Variants in HEATR4 observed in about 807,000 individuals in gnomAD.
HEATR4 encodes the protein HEAT repeat-containing protein 4.
HEATR4 carries 95 observed loss-of-function variants against 108.8 expected under a neutral mutation model. The ratio of observed to expected loss-of-function variants is 0.87; its 90% CI spans 0.74 to 1.04. The LOEUF is 1.04. Ranked by LOEUF, HEATR4 falls within the 50% of genes least tolerant of loss-of-function variation. The probability of loss-of-function intolerance (pLI) is 0.00; values close to 1 mark genes in which losing one functional copy is unlikely to be tolerated. For missense variants in HEATR4, 1,152 were observed against 1,253.8 expected (o/e 0.92, Z 1.23); for synonymous variants, 443 against 459.4 (o/e 0.96, Z 0.46).
At chr14:73,579,851 G>A in the HEATR4 span, among the ~76,000 whole-genome samples, 1 of 151,082 alleles carries the variant, frequency 6.6e-6, no homozygotes, top group Admixed American at 6.6e-5. Flanking sequence ...CCGTCACTTC[G>A]GGAGGCCAAG....
the HEATR4 span, among the ~76,000 whole-genome samples, chr14:73,606,399 CTG>C: frequency 6.9e-6 from 1 of 145,740 alleles, no homozygotes; most frequent in South Asian, 2.2e-4. Flanking sequence ...AAAAAAAAAA[CTG>C]TGATCCTCAA....
At chr14:73,509,527 C>G in intron 7 of HEATR4, 54 bp from the exon 8 acceptor site, 2 of 1,588,848 alleles carry the variant, frequency 1.3e-6, no homozygotes, top group Non-Finnish European at 1.7e-6. Flanking sequence ...TTTTCTCACA[C>G]ACAGCTTCCT....
At chr14:73,583,954 C>T in the HEATR4 span, among the ~76,000 whole-genome samples, 1 of 151,744 alleles carries the variant, frequency 6.6e-6, no homozygotes. Context: ...TGAGCTGAGA[C>T]CACGCCATTG....
At chr14:73,505,108 G>A (rs1886728027) in intron 10 of HEATR4, among the ~76,000 whole-genome samples, 1 of 151,938 alleles carries the variant, frequency 6.6e-6, no homozygotes, top group African/African-American at 2.4e-5. Context: ...TTAGAGATGG[G>A]GTTTTGCCAT....
chr14:73,623,713 G>A, the HEATR4 span, among the ~76,000 whole-genome samples: 1 of 152,116 alleles, frequency 6.6e-6, no homozygotes, highest in East Asian at 1.9e-4. Context: ...AATGTTGGAG[G>A]TGGGGCCTAA....
intron 5 of HEATR4, among the ~76,000 whole-genome samples, chr14:73,514,543 A>G (rs774977375): frequency 6.6e-6 from 1 of 152,230 alleles, no homozygotes; most frequent in African/African-American, 2.4e-5. Flanking sequence ...CTTTAGGAAC[A>G]TAAATATGTT....
chr14:73,553,465 C>T lies in HEATR4; in HGVS notation c.-152+5286G>A, dbSNP rs989944221. ...AGGTAGAGGTCCAGTGAGCCGGGAT[C>T]GCGCCACTGCACTCCAGCCTAGGCA... On this transcript the variant is annotated intron_variant, in intron 1 of 17. Coordinates refer to ENST00000553558, the MANE Select transcript of HEATR4 (RefSeq NM_001220484.1). Among the ~76,000 whole-genome samples, 6 of 112,002 alleles carry T rather than the reference C, an allele frequency of 5.4e-5. 3 individuals are homozygous for T. The highest frequency in any genetic ancestry group is 4.1e-4 in the Admixed American group (4 of 9,840). The allele number at this position is 112,002 out of a possible 152,430, so 73.5% of individuals were successfully genotyped here.
chr14:73,625,302 C>G, the HEATR4 span, among the ~76,000 whole-genome samples: 1 of 152,036 alleles, frequency 6.6e-6, no homozygotes, highest in Non-Finnish European at 1.5e-5. Flanking sequence ...TCATGATCCA[C>G]CCGCCTTGGC....
At chr14:73,583,584 G>C in the HEATR4 span, among the ~76,000 whole-genome samples, 1 of 152,004 alleles carries the variant, frequency 6.6e-6, no homozygotes, top group Non-Finnish European at 1.5e-5. Flanking sequence ...ACTGAAAATT[G>C]GCGGTTGGTG....
At chr14:73,583,348 CAAAAAA>C in the HEATR4 span, among the ~76,000 whole-genome samples, 1 of 129,102 alleles carries the variant, frequency 7.7e-6, no homozygotes, top group African/African-American at 2.9e-5. Flanking sequence ...GACTCCGTCT[CAAAAAA>C]AAAAAAAAAA....
chr14:73,578,748 G>C, the HEATR4 span, among the ~76,000 whole-genome samples: 1 of 151,286 alleles, frequency 6.6e-6, no homozygotes, highest in South Asian at 2.1e-4. Flanking sequence ...GAGGTCAGGA[G>C]TTCGAGACCA....
upstream of HEATR4, among the ~76,000 whole-genome samples, chr14:73,562,263 A>G (rs532900515): frequency 2.0e-5 from 3 of 152,184 alleles, no homozygotes; most frequent in Middle Eastern, 3.4e-3. Context: ...TGAAGATTTC[A>G]TCTTAATATG....
rs747162876 is a variant in HEATR4, at chr14:73,498,238, G to T, written c.2463C>A (p.Ile821=). 1 of 1,614,134 alleles carries T rather than the reference G, an allele frequency of 6.2e-7. No individual in the cohort carries two copies. Among genetic ancestry groups the T allele is most frequent in the South Asian group, 1.1e-5 (1 of 91,066 alleles). The change falls in exon 14 of 18, where the codon ATC becomes ATA. Residue 821 remains isoleucine, a synonymous_variant. Coordinates refer to ENST00000553558, the MANE Select transcript of HEATR4 (RefSeq NM_001220484.1). ...PGVRLEACRS[I]LALKLQGDRV... ...GGTCCCCTTGAAGTTTCAGGGCTAG[G>T]ATGCTACGGCAAGCTTCCAGCCGTA... is the stretch of plus-strand genomic sequence containing the variant.
At chr14:73,597,569 CTTTTT>C in the HEATR4 span, among the ~76,000 whole-genome samples, 1 of 134,958 alleles carries the variant, frequency 7.4e-6, no homozygotes, top group East Asian at 2.2e-4. Context: ...ATTTCTTTTT[CTTTTT>C]TTTTCTTTTT....
the HEATR4 span, chr14:73,581,744 ACCTGGGGCTTCAGAT>A: frequency 8.6e-6 from 1 of 116,516 alleles, no homozygotes; most frequent in Admixed American, 9.9e-5. Context: ...CAGGATCTGA[ACCTGGGGCTTCAGAT>A]CCTGGGGCTT....
the HEATR4 span, among the ~76,000 whole-genome samples, chr14:73,624,517 A>G: frequency 6.6e-6 from 1 of 152,170 alleles, no homozygotes; most frequent in Non-Finnish European, 1.5e-5. Context: ...TGGGAGGATA[A>G]CTTTAGTGTA....
chr14:73,583,154 C>T, the HEATR4 span, among the ~76,000 whole-genome samples: 7 of 151,868 alleles, frequency 4.6e-5, no homozygotes, highest in African/African-American at 1.7e-4. Flanking sequence ...CCAGCCTGGC[C>T]AACATAGTGA....
chr14:73,574,774 A>T, the HEATR4 span: 37 of 1,479,032 alleles, frequency 2.5e-5, no homozygotes, highest in African/African-American at 4.2e-5. Flanking sequence ...TAAATTCTCA[A>T]AGTTGCAAAT....
chr14:73,495,486 G>T, intron 15 of HEATR4, 99 bp from the exon 16 acceptor site: 2 of 989,186 alleles, frequency 2.0e-6, no homozygotes, highest in Non-Finnish European at 3.0e-6. Context: ...AGGAGGCTGA[G>T]GAGGGAGGAT....
Sources: gnomAD v4.1 joint callset for allele counts (sites outside exome capture counted in the v4.1 genomes callset) on GRCh38, gnomAD v4.1.1 for gene constraint, MANE v1.5 for transcripts, NCBI Gene and HGNC (gene_info 2026-07-23, HGNC 2026-07-21) for gene names.